The following PPFIA2 variants were observed in gnomAD, a reference collection of about 807,000 sequenced individuals.
PPFIA2 encodes liprin-alpha-2.
In PPFIA2, 46 loss-of-function variants were observed where a neutral mutation model predicts 175.5. The ratio of observed to expected loss-of-function variants is 0.26; its 90% CI spans 0.21 to 0.34. The LOEUF (loss-of-function observed/expected upper bound fraction) is 0.34, where lower values mean the gene tolerates loss of function less well. Among genes scored for constraint, PPFIA2 ranks in the 10% least tolerant of loss-of-function variants. The pLI is 1.00. For synonymous variants in PPFIA2, 568 were observed against 511.4 expected (o/e 1.11, Z -1.49); for missense variants, 1,179 against 1,506.1 (o/e 0.78, Z 3.60).
intron 22 of PPFIA2, among the ~76,000 whole-genome samples, chr12:81,304,262 C>G (rs558859095): frequency 3.3e-4 from 50 of 152,150 alleles, no homozygotes; most frequent in Non-Finnish European, 6.8e-4. Context: ...ATGGGCTTGA[C>G]AGCAGAGACT....
chr12:81,529,983 A>T (rs573982002), intron 4 of PPFIA2, among the ~76,000 whole-genome samples: 83 of 152,118 alleles, frequency 5.5e-4, no homozygotes, highest in African/African-American at 1.5e-3. Context: ...AAAGTTTTTT[A>T]AAAAAATGAT....
At chr12:81,329,423 T>C (rs144145182) in intron 21 of PPFIA2, among the ~76,000 whole-genome samples, 204 of 152,238 alleles carry the variant, frequency 1.3e-3, no homozygotes, top group African/African-American at 4.6e-3. Context: ...TTCGAGGACT[T>C]GGAATTATTG....
rs558939293 is a variant in PPFIA2, at chr12:81,458,246, TG to T, written c.304-381del. Among the ~76,000 whole-genome samples, 286 of 152,266 alleles carry T rather than the reference TG, an allele frequency of 1.9e-3. 2 individuals are homozygous for T. The highest frequency in any genetic ancestry group is 4.7e-3 in the Admixed American group (72 of 15,296). ...ACAGCAATGTTTATACAGAGTACAGTGGATCTTCAGAACAACCGCAAAAAAC... is the reference window on the plus strand; with the variant it reads ...ACAGCAATGTTTATACAGAGTACAGTGATCTTCAGAACAACCGCAAAAAAC... On this transcript the variant is annotated intron_variant, in intron 4 of 32. Transcript: ENST00000549396.
At chr12:81,726,539 C>T (rs2080099879) in intron 3 of PPFIA2, among the ~76,000 whole-genome samples, 1 of 151,266 alleles carries the variant, frequency 6.6e-6, no homozygotes, top group African/African-American at 2.4e-5. Flanking sequence ...ATGCTAGACC[C>T]TGTATAAGTT....
chr12:81,733,043 A>G (rs925204420), intron 3 of PPFIA2, among the ~76,000 whole-genome samples: 6 of 151,680 alleles, frequency 4.0e-5, no homozygotes, highest in African/African-American at 1.4e-4. Context: ...CTGGCCTTGT[A>G]TTTTTGATAA....
intron 17 of PPFIA2, among the ~76,000 whole-genome samples, chr12:81,350,002 A>T (rs969469137): frequency 6.6e-6 from 1 of 152,150 alleles, no homozygotes; most frequent in Admixed American, 6.6e-5. Flanking sequence ...AATGTGATAT[A>T]ATCTCATTTC....
rs545012036 is a variant in PPFIA2, at chr12:81,625,575, A to G, written c.303+51216T>C. On this transcript the variant is annotated intron_variant, in intron 4 of 32. Transcript: ENST00000549396. ...AGTATCTATTATGTGTCACTAGGTA[A>G]GATACTTAACTTTTGAAATCATGAT... Among the ~76,000 whole-genome samples, 3 of 151,936 alleles carry G rather than the reference A, an allele frequency of 2.0e-5. No individual in the cohort carries two copies. The East Asian group carries it at 5.8e-4, about 29-fold the overall frequency.
chr12:81,260,572 A>G (rs2035099804), intron 32 of PPFIA2: 1 of 152,192 alleles, frequency 6.6e-6, no homozygotes, highest in South Asian at 2.1e-4. Context: ...TATATACCAT[A>G]ATTAAAATTT....
At chr12:81,269,918 G>C (rs1302425202) in intron 28 of PPFIA2, among the ~76,000 whole-genome samples, 1 of 152,008 alleles carries the variant, frequency 6.6e-6, no homozygotes, top group Non-Finnish European at 1.5e-5. Flanking sequence ...TCCTTTGAGG[G>C]GGAAAGGGTG....
chr12:81,601,945 G>T (rs916648161), intron 4 of PPFIA2, among the ~76,000 whole-genome samples: 1 of 151,742 alleles, frequency 6.6e-6, no homozygotes, highest in Non-Finnish European at 1.5e-5. Flanking sequence ...CTTAAAAATT[G>T]AAATTTTATA....
At chr12:81,410,752 G>GGAAATCA (rs1443253819) in intron 7 of PPFIA2, among the ~76,000 whole-genome samples, 2 of 151,984 alleles carry the variant, frequency 1.3e-5, no homozygotes, top group Non-Finnish European at 2.9e-5. Context: ...CCCAAGCCAG[G>GGAAATCA]GAAATCAGAA....
At position 81,680,208 on chromosome 12, in the gene PPFIA2, T is replaced by C. The variant is rs76910497; in HGVS notation, c.250-3364A>G. Reference sequence around the variant, plus strand: ...ACAGAATTTATTTAACCATATTGCATACCATATTGAGGTCATCATTTGTAT... The same window carrying C: ...ACAGAATTTATTTAACCATATTGCACACCATATTGAGGTCATCATTTGTAT... On this transcript the variant is annotated intron_variant, in intron 3 of 32. Coordinates refer to ENST00000549396, the MANE Select transcript of PPFIA2 (RefSeq NM_003625.5). 2.3e-3 allele frequency among the ~76,000 whole-genome samples: 357 copies of C among 152,126 alleles called. 1 individual carries two copies. Among genetic ancestry groups the C allele is most frequent in the African/African-American group, 8.4e-3 (347 of 41,544 alleles).
intron 4 of PPFIA2, among the ~76,000 whole-genome samples, chr12:81,480,435 T>A (rs2058069005): frequency 6.6e-6 from 1 of 152,178 alleles, no homozygotes; most frequent in African/African-American, 2.4e-5. Context: ...TCATTATCTG[T>A]CCAGTTTTAT....
At chr12:81,561,397 A>T (rs191059012) in intron 4 of PPFIA2, among the ~76,000 whole-genome samples, 1 of 152,308 alleles carries the variant, frequency 6.6e-6, no homozygotes, top group Admixed American at 6.5e-5. Context: ...AATTAGACAC[A>T]GTTCATGCTT....
intron 4 of PPFIA2, among the ~76,000 whole-genome samples, chr12:81,541,115 T>G (rs1364662205): frequency 3.3e-5 from 5 of 152,124 alleles, no homozygotes; most frequent in Non-Finnish European, 7.4e-5. Context: ...AAACATAACA[T>G]TAAGTTTTAA....
At chr12:81,342,911 C>T (rs543859744) in intron 19 of PPFIA2, among the ~76,000 whole-genome samples, 4 of 150,384 alleles carry the variant, frequency 2.7e-5, no homozygotes, top group East Asian at 2.0e-4. Context: ...TGTAACTAAC[C>T]GGCACATTGT....
Position 81,299,294 on chromosome 12 carries a change from C to T in PPFIA2, c.2724+7G>A, listed in dbSNP as rs565268906. On this transcript the variant is annotated splice_region_variant and intron_variant, in intron 23 of 32. Transcript: ENST00000549396. ...GATTCAAGGGCCTCCTAGTTTCATTCTCTTACCTCTAGCCATGCGACCACA... is the reference window on the plus strand; with the variant it reads ...GATTCAAGGGCCTCCTAGTTTCATTTTCTTACCTCTAGCCATGCGACCACA... 2.0e-5 allele frequency: 32 copies of T among 1,586,664 alleles called. No homozygotes were observed. In the African/African-American group the frequency reaches 3.9e-4, roughly 19 times the overall value.
intron 4 of PPFIA2, among the ~76,000 whole-genome samples, chr12:81,523,658 T>C (rs141288180): frequency 6.6e-6 from 1 of 152,240 alleles, no homozygotes; most frequent in African/African-American, 2.4e-5. Flanking sequence ...CTGGGGGTGG[T>C]ATCTGTACAC....
intron 4 of PPFIA2, chr12:81,597,895 A>G: frequency 1.3e-6 from 2 of 1,493,250 alleles, no homozygotes; most frequent in Non-Finnish European, 9.0e-7. Flanking sequence ...GCACTTTGTT[A>G]AAAGTTTGAC....
Sources: gnomAD v4.1 joint callset for allele counts (sites outside exome capture counted in the v4.1 genomes callset) on GRCh38, gnomAD v4.1.1 for gene constraint, MANE v1.5 for transcripts, NCBI Gene and HGNC (gene_info 2026-07-23, HGNC 2026-07-21) for gene names.